ZFHX3: variants seen among roughly 807,000 people sequenced by gnomAD.
The protein encoded by ZFHX3 is zinc finger homeobox protein 3.
A neutral mutation model predicts 279.1 loss-of-function variants in ZFHX3; 42 were observed. That is an observed-to-expected ratio of 0.15 (90% CI 0.12 to 0.19). The LOEUF (loss-of-function observed/expected upper bound fraction) is 0.19, where lower values mean the gene tolerates loss of function less well. Ranked by LOEUF, ZFHX3 falls within the 10% of genes least tolerant of loss-of-function variation. ZFHX3 has a pLI of 1.00. For synonymous variants in ZFHX3, 2,293 were observed against 1,957.8 expected, an observed-to-expected ratio of 1.17 and a Z score of -4.52; for missense variants, 4,981 against 4,754.0, an observed-to-expected ratio of 1.05 and a Z score of -1.40.
At chr16:72,969,645 A>C (rs1019119114) in intron 1 of ZFHX3, among the ~76,000 whole-genome samples, 1 of 152,064 alleles carries the variant, frequency 6.6e-6, no homozygotes, top group African/African-American at 2.4e-5. Context: ...AAAAACAAAA[A>C]CAGAAAAACA....
chr16:72,950,198 C>A (rs933694284), intron 3 of ZFHX3, among the ~76,000 whole-genome samples: 2 of 152,046 alleles, frequency 1.3e-5, no homozygotes, highest in Non-Finnish European at 2.9e-5. Flanking sequence ...AAAGAACCAA[C>A]CCTAGAGGCG....
intron 6 of ZFHX3, chr16:73,143,629 A>G (rs1369646670): frequency 5.0e-6 from 3 of 604,770 alleles, no homozygotes; most frequent in Middle Eastern, 3.1e-4. Context: ...TAACACTGCA[A>G]TTTCCTTTGA....
At chr16:72,798,890 C>T (rs1434343278) in intron 8 of ZFHX3, among the ~76,000 whole-genome samples, 176 bp from the exon 9 acceptor site, 1 of 152,162 alleles carries the variant, frequency 6.6e-6, no homozygotes, top group Non-Finnish European at 1.5e-5. Context: ...TTTTGTTCCT[C>T]CAATAGAGCA....
intron 4 of ZFHX3, among the ~76,000 whole-genome samples, chr16:73,291,703 A>T (rs1366773025): frequency 6.6e-6 from 1 of 152,174 alleles, no homozygotes; most frequent in East Asian, 1.9e-4. Flanking sequence ...GGTACCTTTA[A>T]CTATATGCAT....
At chr16:72,945,921 A>G (rs997046653) in intron 3 of ZFHX3, among the ~76,000 whole-genome samples, 6 of 152,114 alleles carry the variant, frequency 3.9e-5, no homozygotes, top group Non-Finnish European at 8.8e-5. Flanking sequence ...ACTTCCCCCC[A>G]GCACACCCAC....
intron 1 of ZFHX3, among the ~76,000 whole-genome samples, chr16:73,806,601 G>A (rs530249817): frequency 2.0e-5 from 3 of 152,128 alleles, no homozygotes; most frequent in African/African-American, 4.8e-5. Context: ...CTGGTTGGTG[G>A]GGGGGGTCAA....
intron 2 of ZFHX3, among the ~76,000 whole-genome samples, chr16:73,629,210 A>G (rs2052445875): frequency 2.6e-5 from 4 of 152,162 alleles, no homozygotes. Context: ...GAGAAGTGTA[A>G]TCCATCTCCT....
At chr16:73,066,445 C>T (rs1421225171) in intron 8 of ZFHX3, among the ~76,000 whole-genome samples, 2 of 152,184 alleles carry the variant, frequency 1.3e-5, no homozygotes, top group Non-Finnish European at 2.9e-5. Context: ...TTCCTGCGGG[C>T]TCTGGACTCC....
intron 1 of ZFHX3, among the ~76,000 whole-genome samples, chr16:73,732,709 G>A (rs974416401): frequency 6.6e-6 from 1 of 152,142 alleles, no homozygotes; most frequent in African/African-American, 2.4e-5. Context: ...CCTTTCTAAG[G>A]GCAACTTATG....
In ZFHX3 at chr16:72,795,764, C is replaced by G; in HGVS notation, c.6918G>C (p.Glu2306Asp). The G allele has an allele frequency of 1.2e-6, 2 of 1,614,188 alleles. No homozygotes were observed. Among genetic ancestry groups the G allele is most frequent in the Non-Finnish European group, 1.7e-6 (2 of 1,180,036 alleles). ...KARKNYENQGEGKDGERRELT... is the reference protein window; with the variant it reads ...KARKNYENQGDGKDGERRELT... ...GCTCACGCCGCTCTCCATCTTTGCCCTCTCCCTGATTCTCATAATTCTTCC... is the reference window on the plus strand; with the variant it reads ...GCTCACGCCGCTCTCCATCTTTGCCGTCTCCCTGATTCTCATAATTCTTCC... The change falls in exon 9 of 10, where the codon GAG becomes GAC. Residue 2306 changes from glutamate to aspartate, a missense_variant. By Grantham distance (45) the Glu-to-Asp change is conservative (BLOSUM62 2). Coordinates refer to ENST00000268489, the MANE Select transcript of ZFHX3 (RefSeq NM_006885.4).
intron 2 of ZFHX3, among the ~76,000 whole-genome samples, chr16:73,654,845 T>C (rs2052707121): frequency 6.9e-6 from 1 of 144,502 alleles, no homozygotes; most frequent in African/African-American, 2.6e-5. Context: ...TTCTAAACGA[T>C]AGTAATCACT....
intron 1 of ZFHX3, among the ~76,000 whole-genome samples, chr16:73,873,700 A>T (rs956945354): frequency 2.6e-5 from 4 of 152,108 alleles, no homozygotes; most frequent in Admixed American, 1.3e-4. Flanking sequence ...TTGTGCTATG[A>T]CTCTTTAGAA....
At chr16:73,024,246 T>C (rs1049422089) in intron 1 of ZFHX3, among the ~76,000 whole-genome samples, 6 of 151,974 alleles carry the variant, frequency 3.9e-5, no homozygotes, top group African/African-American at 1.5e-4. Context: ...CAAGGAGAGA[T>C]GGGGGAAGGG....
At chr16:72,989,226 T>G (rs1479283886) in intron 1 of ZFHX3, among the ~76,000 whole-genome samples, 1 of 151,090 alleles carries the variant, frequency 6.6e-6, no homozygotes, top group Non-Finnish European at 1.5e-5. Flanking sequence ...TGTTCATGAC[T>G]ATAATACCAG....
intron 3 of ZFHX3, among the ~76,000 whole-genome samples, chr16:72,925,799 C>T (rs954887552): frequency 1.3e-5 from 2 of 152,216 alleles, no homozygotes; most frequent in Non-Finnish European, 2.9e-5. Context: ...CTGGAACGGG[C>T]ACCAGCCAAG....
At chr16:73,838,917 G>A (rs534614327) in intron 1 of ZFHX3, among the ~76,000 whole-genome samples, 3 of 152,246 alleles carry the variant, frequency 2.0e-5, no homozygotes, top group East Asian at 3.9e-4. Context: ...TCAGGTAAAA[G>A]TCCATAGGAG....
chr16:73,156,722 AT>A (rs34204659), intron 5 of ZFHX3, among the ~76,000 whole-genome samples: 62,007 of 147,976 alleles, frequency 0.42, 13,210 homozygotes, highest in Admixed American at 0.54. Flanking sequence ...TGTCTGGCTA[AT>A]TTTTTTTTTT....
intron 3 of ZFHX3, among the ~76,000 whole-genome samples, chr16:72,934,817 C>T (rs139405846): frequency 4.1e-4 from 62 of 152,258 alleles, no homozygotes; most frequent in African/African-American, 1.3e-3. Context: ...CATCAGAATC[C>T]GACAGTAAAT....
chr16:73,716,172 C>A (rs939345892), intron 1 of ZFHX3, among the ~76,000 whole-genome samples: 2 of 151,986 alleles, frequency 1.3e-5, no homozygotes, highest in Non-Finnish European at 2.9e-5. Context: ...ACTTCCATTT[C>A]TTTTGCAGTT....
Sources: gnomAD v4.1 joint callset for allele counts (sites outside exome capture counted in the v4.1 genomes callset) on GRCh38, gnomAD v4.1.1 for gene constraint, MANE v1.5 for transcripts, NCBI Gene and HGNC (gene_info 2026-07-23, HGNC 2026-07-21) for gene names.